The following PLS1 variants were observed in gnomAD, a reference collection of about 807,000 sequenced individuals.
The protein encoded by PLS1 is plastin-1.
In PLS1, 32 loss-of-function variants were observed where a neutral mutation model predicts 73.7. That is an observed-to-expected ratio of 0.43 (90% CI 0.33 to 0.58). The LOEUF (loss-of-function observed/expected upper bound fraction) is 0.58, where lower values mean the gene tolerates loss of function less well. Ranked by LOEUF, PLS1 falls within the 20% of genes least tolerant of loss-of-function variation. PLS1 has a pLI of 0.04. For synonymous variants in PLS1, 217 were observed against 261.3 expected (o/e 0.83, Z 1.63); for missense variants, 633 against 740.5 (o/e 0.85, Z 1.68).
At chr3:142,604,603 G>A (rs1025868673) in intron 1 of PLS1, among the ~76,000 whole-genome samples, 1 of 152,150 alleles carries the variant, frequency 6.6e-6, no homozygotes, top group Non-Finnish European at 1.5e-5. Context: ...ATAGCAATTT[G>A]CTTGATCCCT....
At chr3:142,695,836 C>T (rs1033387877) in intron 11 of PLS1, among the ~76,000 whole-genome samples, 5 of 151,106 alleles carry the variant, frequency 3.3e-5, no homozygotes, top group Non-Finnish European at 5.9e-5. Flanking sequence ...CTCTTGTTGC[C>T]CAGGCTGGAG....
At position 142,686,274 on chromosome 3, in the gene PLS1, T is replaced by C; in HGVS notation, c.889-10T>C. 1 of 1,529,974 alleles carries C rather than the reference T, an allele frequency of 6.5e-7. No homozygotes were observed. The highest frequency in any genetic ancestry group is 1.4e-5 in the African/African-American group (1 of 73,330). 94.8% of individuals were successfully genotyped at this position (1,529,974 alleles called of 1,614,324 possible). A position where few individuals can be genotyped will look rare whatever the true frequency, so the allele number is the denominator to read the frequency against. ...GTTTTAAAAATGCTATTTCATATCT[T>C]TCCTTGAAGGACTCGAGAGCCTATT... On this transcript the variant is annotated splice_polypyrimidine_tract_variant and intron_variant, in intron 8 of 15. Coordinates refer to ENST00000457734, the MANE Select transcript of PLS1 (RefSeq NM_001145319.2).
chr3:142,679,852 A>G (rs1280124648), intron 6 of PLS1, among the ~76,000 whole-genome samples: 1 of 152,138 alleles, frequency 6.6e-6, no homozygotes, highest in Non-Finnish European at 1.5e-5. Context: ...TGAATCTATA[A>G]ATTACCTTGG....
chr3:142,611,299 T>A (rs1046694175), intron 1 of PLS1, among the ~76,000 whole-genome samples: 1 of 152,190 alleles, frequency 6.6e-6, no homozygotes, highest in East Asian at 1.9e-4. Context: ...TATTTTATTC[T>A]CACAAATACA....
intron 1 of PLS1, among the ~76,000 whole-genome samples, chr3:142,634,228 G>T (rs2036628422): frequency 6.6e-6 from 1 of 152,194 alleles, no homozygotes; most frequent in Non-Finnish European, 1.5e-5. Context: ...TTCCCTGAAG[G>T]AGGAGGGAGG....
chr3:142,626,615 A>G (rs2036435635), intron 1 of PLS1, among the ~76,000 whole-genome samples: 1 of 152,210 alleles, frequency 6.6e-6, no homozygotes, highest in Non-Finnish European at 1.5e-5. Context: ...GTTGTATTTT[A>G]TATAATCTCG....
intron 1 of PLS1, among the ~76,000 whole-genome samples, chr3:142,612,279 CTTAA>C (rs1390698574): frequency 6.6e-6 from 1 of 152,168 alleles, no homozygotes; most frequent in Non-Finnish European, 1.5e-5. Flanking sequence ...CTTTTCTGAA[CTTAA>C]TTAACACTGA....
At chr3:142,659,354 A>T (rs749773850) in intron 1 of PLS1, among the ~76,000 whole-genome samples, 16 of 152,168 alleles carry the variant, frequency 1.1e-4, no homozygotes, top group Non-Finnish European at 2.2e-4. Context: ...AAATTATTTC[A>T]CTATTTTAAT....
chr3:142,600,057 T>G (rs2035887853), intron 1 of PLS1, among the ~76,000 whole-genome samples: 1 of 152,146 alleles, frequency 6.6e-6, no homozygotes, highest in African/African-American at 2.4e-5. Context: ...CTCCCAAGAT[T>G]AATTTGAGTT....
In PLS1 at chr3:142,699,407, C is replaced by T. The variant is rs140056815; in HGVS notation, c.1371+1340C>T. Among the ~76,000 whole-genome samples the T allele has an allele frequency of 9.2e-3, 1,405 of 152,016 alleles. 10 individuals carry two copies. Among genetic ancestry groups the T allele is most frequent in the Admixed American group, 0.016 (251 of 15,266 alleles). On this transcript the variant is annotated intron_variant, in intron 12 of 15. Coordinates refer to ENST00000457734, the MANE Select transcript of PLS1 (RefSeq NM_001145319.2). ...CCGGGAGGCAGAGTTTGCAGTGAGCCGAGATGTGCCATTGCACTCCAGCCT... is the reference window on the plus strand; with the variant it reads ...CCGGGAGGCAGAGTTTGCAGTGAGCTGAGATGTGCCATTGCACTCCAGCCT...
At chr3:142,654,289 G>T (rs1284806345) in intron 1 of PLS1, among the ~76,000 whole-genome samples, 1 of 152,030 alleles carries the variant, frequency 6.6e-6, no homozygotes, top group East Asian at 1.9e-4. Context: ...CTTCACCTAG[G>T]GAAGAATGAA....
chr3:142,622,055 C>T (rs1182555953), intron 1 of PLS1, among the ~76,000 whole-genome samples: 1 of 152,164 alleles, frequency 6.6e-6, no homozygotes, highest in Non-Finnish European at 1.5e-5. Context: ...AGGTGTAGAA[C>T]CTCACTGTTG....
chr3:142,614,222 T>C (rs28378300), intron 1 of PLS1, among the ~76,000 whole-genome samples: 33,291 of 152,184 alleles, frequency 0.22, 4,571 homozygotes, highest in African/African-American at 0.39. Flanking sequence ...AAAGAATACA[T>C]ATGTTCTTTC....
Position 142,686,366 on chromosome 3 carries a change from C to A in PLS1, c.971C>A (p.Ser324Ter). ...GGACCTGCCATTGCCATTGACCTTTCAGGAATTAATGTGAGTGCAATTTTT... is the reference window on the plus strand; with the variant it reads ...GGACCTGCCATTGCCATTGACCTTTAAGGAATTAATGTGAGTGCAATTTTT... ...EDGPAIAIDL[S>*]GINETNDLKR... is the part of the protein sequence containing the mutation. Residue 324 changes from serine to a stop codon, truncating the protein, a stop_gained, in exon 9 of 16, where the codon TCA (serine) becomes TAA (stop). Coordinates refer to ENST00000457734, the MANE Select transcript of PLS1 (RefSeq NM_001145319.2). LOFTEE classifies it high-confidence loss of function. The A allele has an allele frequency of 6.3e-7, 1 of 1,592,152 alleles. No individual in the cohort carries two copies. Among genetic ancestry groups the A allele is most frequent in the Non-Finnish European group, 8.6e-7 (1 of 1,160,078 alleles).
At chr3:142,597,779 C>T (rs2035838473) in intron 1 of PLS1, among the ~76,000 whole-genome samples, 1 of 152,172 alleles carries the variant, frequency 6.6e-6, no homozygotes, top group African/African-American at 2.4e-5. Context: ...TTTTACCACT[C>T]CCTGCAGATA....
At chr3:142,610,025 T>C (rs2036090295) in intron 1 of PLS1, among the ~76,000 whole-genome samples, 2 of 152,150 alleles carry the variant, frequency 1.3e-5, no homozygotes, top group African/African-American at 4.8e-5. Flanking sequence ...CAGGCCACCA[T>C]ACCCAGCTAA....
intron 1 of PLS1, among the ~76,000 whole-genome samples, chr3:142,660,114 T>C (rs1030426737): frequency 2.0e-5 from 3 of 152,162 alleles, no homozygotes; most frequent in African/African-American, 7.2e-5. Context: ...CAGTTGTTTA[T>C]GATTGGCAGA....
intron 10 of PLS1, 152 bp from the exon 11 acceptor site, chr3:142,694,317 A>G: frequency 2.2e-6 from 1 of 460,518 alleles, no homozygotes; most frequent in Non-Finnish European, 3.8e-6. Context: ...TTTGGCATTA[A>G]GAGACTTTTT....
At chr3:142,627,043 A>G (rs1298184670) in intron 1 of PLS1, among the ~76,000 whole-genome samples, 3 of 152,244 alleles carry the variant, frequency 2.0e-5, no homozygotes, top group Non-Finnish European at 1.5e-5. Flanking sequence ...AAATATACAC[A>G]TTAAATATTT....
Sources: gnomAD v4.1 joint callset for allele counts (sites outside exome capture counted in the v4.1 genomes callset) on GRCh38, gnomAD v4.1.1 for gene constraint, MANE v1.5 for transcripts, NCBI Gene and HGNC (gene_info 2026-07-23, HGNC 2026-07-21) for gene names.